PLLP: variants seen among roughly 807,000 people sequenced by gnomAD.
The protein encoded by PLLP is plasma membrane proteolipid (plasmolipin).
A neutral mutation model predicts 19.7 loss-of-function variants in PLLP; 15 were observed. The observed-to-expected ratio is 0.76, with a 90% confidence interval of 0.51 to 1.17. The LOEUF (loss-of-function observed/expected upper bound fraction) is 1.17. PLLP is among the 50% of genes most tolerant of loss of function. The pLI, the probability that PLLP is intolerant of heterozygous loss-of-function variation, is 0.00. For synonymous variants in PLLP, 111 were observed against 116.3 expected (o/e 0.95, Z 0.29); for missense variants, 255 against 258.3 (o/e 0.99, Z 0.09).
At chr16:57,260,315 C>T (rs1436636655) in intron 2 of PLLP, among the ~76,000 whole-genome samples, 1 of 152,176 alleles carries the variant, frequency 6.6e-6, no homozygotes, top group Non-Finnish European at 1.5e-5. Context: ...TTAACAGCCA[C>T]GGCTGGAGCC....
At chr16:57,269,020 C>T (rs144763744) in intron 1 of PLLP, among the ~76,000 whole-genome samples, 3 of 152,182 alleles carry the variant, frequency 2.0e-5, no homozygotes, top group South Asian at 2.1e-4. Context: ...ACAGATAAGG[C>T]GGTGGTGCTC....
Position 57,274,906 on chromosome 16 carries a change from C to T in PLLP, c.135+9500G>A, listed in dbSNP as rs371854123. On this transcript the variant is annotated intron_variant, in intron 1 of 3. Transcript: ENST00000219207. ...CCTCCCGAGTAGCTGGGACTACAGG[C>T]GCCCGCCACCATGCCCGGCTAATTT... Among the ~76,000 whole-genome samples, 158 of 152,056 alleles carry T rather than the reference C, an allele frequency of 1.0e-3. 2 individuals carry two copies. In the South Asian group the frequency reaches 0.031, roughly 30 times the overall value.
rs557171926 is a variant in PLLP at position 57,258,080 on chromosome 16, A to T, written c.432+382T>A. Among the ~76,000 whole-genome samples, 10 of 152,028 alleles carry T rather than the reference A, an allele frequency of 6.6e-5. No homozygotes were observed. In the South Asian group the frequency reaches 2.1e-3, roughly 32 times the overall value. ...TCCAAAAAAAATACAAAATACAAAA[A>T]AATTAGCGGGTGTGGCAGCACACAC... On this transcript the variant is annotated intron_variant, in intron 3 of 3. Coordinates refer to ENST00000219207, the MANE Select transcript of PLLP (RefSeq NM_015993.3).
chr16:57,262,342 A>C (rs1198503920), intron 1 of PLLP, among the ~76,000 whole-genome samples: 2 of 152,112 alleles, frequency 1.3e-5, no homozygotes, highest in African/African-American at 4.8e-5. Flanking sequence ...ACCTGAGGTC[A>C]GGAGTTCGAG....
At chr16:57,265,840 C>G (rs1345192196) in intron 1 of PLLP, among the ~76,000 whole-genome samples, 6 of 152,074 alleles carry the variant, frequency 3.9e-5, no homozygotes. Flanking sequence ...CCAGCCTGGA[C>G]AATATGGAAA....
chr16:57,283,184 T>G (rs1320202832), intron 1 of PLLP, among the ~76,000 whole-genome samples: 1 of 152,148 alleles, frequency 6.6e-6, no homozygotes, highest in Non-Finnish European at 1.5e-5. Context: ...AGATTCAAAT[T>G]CCGATTGCAC....
intron 1 of PLLP, among the ~76,000 whole-genome samples, chr16:57,276,450 G>A (rs1448141377): frequency 1.3e-5 from 2 of 151,994 alleles, no homozygotes; most frequent in East Asian, 3.9e-4. Context: ...AAATTAGCCG[G>A]GCTTGGTGGT....
In PLLP at chr16:57,284,491, T is replaced by C. The variant is rs1440923298; in HGVS notation, c.50A>G (p.Gln17Arg). The stretch of plus-strand genomic sequence containing the variant: ...CGCCGACACCGAGGCTTCGGCGCCC[T>C]GCGCAGGACTGCTGGTCCGCGTGCT... ...KVSTRTSSPAQGAEASVSALR... is the reference protein window; with the variant it reads ...KVSTRTSSPARGAEASVSALR... Residue 17 changes from glutamine to arginine, a missense_variant, in exon 1 of 4, where the codon CAG (glutamine) becomes CGG (arginine). Gln to Arg is a conservative substitution (Grantham distance 43, BLOSUM62 1). Coordinates refer to ENST00000219207, the MANE Select transcript of PLLP (RefSeq NM_015993.3). 1.4e-6 allele frequency: 2 copies of C among 1,428,998 alleles called. No individual in the cohort carries two copies. The highest frequency in any genetic ancestry group is 1.5e-5 in the African/African-American group (1 of 67,818). 88.5% of individuals were successfully genotyped at this position (1,428,998 alleles called of 1,614,324 possible).
intron 2 of PLLP, among the ~76,000 whole-genome samples, chr16:57,259,524 T>TC (rs2075435832): frequency 6.6e-6 from 1 of 152,106 alleles, no homozygotes; most frequent in Non-Finnish European, 1.5e-5. Context: ...GACCAGTCCC[T>TC]CATCCCAAAC....
At chr16:57,271,957 C>T (rs2075477222) in intron 1 of PLLP, among the ~76,000 whole-genome samples, 1 of 152,090 alleles carries the variant, frequency 6.6e-6, no homozygotes, top group African/African-American at 2.4e-5. Flanking sequence ...ACAAAGCCTA[C>T]CCAAGCCTCC....
intron 1 of PLLP, among the ~76,000 whole-genome samples, chr16:57,278,431 C>T (rs1901179825): frequency 2.6e-5 from 4 of 152,190 alleles, no homozygotes; most frequent in African/African-American, 9.7e-5. Flanking sequence ...GGAAAAAAGA[C>T]TAGAAACACC....
At chr16:57,261,805 G>C in intron 2 of PLLP, 92 bp downstream of exon 2, 1 of 1,165,984 alleles carries the variant, frequency 8.6e-7, no homozygotes, top group Non-Finnish European at 1.3e-6. Context: ...CAGTGAGGAT[G>C]TCAGGCCACC....
intron 3 of PLLP, 104 bp downstream of exon 3, chr16:57,258,358 C>A (rs1694701973): frequency 3.3e-6 from 4 of 1,195,604 alleles, no homozygotes; most frequent in Non-Finnish European, 4.7e-6. Flanking sequence ...CAGGTGACAA[C>A]CCCTCAGGAG....
At chr16:57,268,340 G>T (rs186894291) in intron 1 of PLLP, among the ~76,000 whole-genome samples, 1 of 152,216 alleles carries the variant, frequency 6.6e-6, no homozygotes, top group Non-Finnish European at 1.5e-5. Flanking sequence ...CATTGGTTCT[G>T]TTGGAGGGGT....
intron 2 of PLLP, among the ~76,000 whole-genome samples, chr16:57,259,398 C>T (rs1186972247): frequency 2.0e-5 from 3 of 152,180 alleles, no homozygotes; most frequent in African/African-American, 7.2e-5. Flanking sequence ...CCCTCTTGGC[C>T]ACATCCTAAG....
Position 57,284,530 on chromosome 16 carries a change from A to T in PLLP, c.11T>A (p.Phe4Tyr). 7.2e-7 allele frequency: 1 copy of T among 1,380,996 alleles called. No individual in the cohort carries two copies. The highest frequency in any genetic ancestry group is 9.5e-7 in the Non-Finnish European group (1 of 1,057,584). 85.5% of individuals were successfully genotyped at this position (1,380,996 alleles called of 1,614,324 possible). Residue 4 changes from phenylalanine (F) to tyrosine (Y), a missense_variant, in exon 1 of 4, where the codon TTC (phenylalanine) becomes TAC (tyrosine). Transcript: ENST00000219207. MAE[F>Y]PSKVSTRTSS... ...GGTCCGCGTGCTAACTTTCGACGGGAACTCGGCCATGGCGGCTCCGCTTGC... is the reference window on the plus strand; with the variant it reads ...GGTCCGCGTGCTAACTTTCGACGGGTACTCGGCCATGGCGGCTCCGCTTGC...
At chr16:57,279,731 G>A (rs1901196500) in intron 1 of PLLP, among the ~76,000 whole-genome samples, 1 of 151,654 alleles carries the variant, frequency 6.6e-6, no homozygotes, top group Non-Finnish European at 1.5e-5. Flanking sequence ...AGAGTGCAGT[G>A]ACGTGATCAT....
Position 57,284,555 on chromosome 16 carries a change from CCTCCCGAG to C in PLLP, c.-23_-16del, listed in dbSNP as rs1263619853. 1.5e-6 allele frequency: 2 copies of C among 1,340,020 alleles called. No homozygotes were observed. Among genetic ancestry groups the C allele is most frequent in the Non-Finnish European group, 1.9e-6 (2 of 1,038,184 alleles). 83.0% of individuals were successfully genotyped at this position (1,340,020 alleles called of 1,614,324 possible). A position where few individuals can be genotyped will look rare whatever the true frequency, so the allele number is the denominator to read the frequency against. On this transcript the variant is annotated 5_prime_UTR_variant, in exon 1 of 4. Transcript: ENST00000219207. ...AACTCGGCCATGGCGGCTCCGCTTG[CCTCCCGAG>C]GTCGCTACGGCCGCCGTCGCCGCCC...
chr16:57,258,959 C>T (rs539963357), intron 2 of PLLP, among the ~76,000 whole-genome samples: 14 of 145,086 alleles, frequency 9.6e-5, no homozygotes, highest in Non-Finnish European at 1.5e-4. Flanking sequence ...ACAAGACCAA[C>T]GGTTGGGGCT....
Sources: allele counts gnomAD v4.1 joint callset (sites outside exome capture counted in the v4.1 genomes callset), GRCh38; gene constraint gnomAD v4.1.1; transcripts MANE v1.5; gene names NCBI Gene and HGNC (gene_info 2026-07-23, HGNC 2026-07-21).